Variants in ELOC observed in about 807,000 individuals in gnomAD.
ELOC encodes elongin-C.
For synonymous variants in ELOC, 40 were observed against 51.3 expected (o/e 0.78, Z 0.94); for missense variants, 38 against 139.0 (o/e 0.27, Z 3.65).
intron 3 of ELOC, among the ~76,000 whole-genome samples, chr8:73,951,263 G>C (rs564190258): frequency 1.9e-4 from 29 of 152,070 alleles, no homozygotes; most frequent in Non-Finnish European, 4.4e-5. Flanking sequence ...TAGAGCGAAA[G>C]ACTGGCAAAA....
At chr8:73,958,267 G>T (rs947170157) in intron 2 of ELOC, among the ~76,000 whole-genome samples, 13 of 151,804 alleles carry the variant, frequency 8.6e-5, no homozygotes, top group Non-Finnish European at 1.5e-4. Context: ...TTTGGTCTTT[G>T]TTTTTTAAAA....
intron 1 of ELOC, among the ~76,000 whole-genome samples, chr8:73,960,436 C>G (rs1325384394): frequency 6.6e-6 from 1 of 152,110 alleles, no homozygotes; most frequent in Non-Finnish European, 1.5e-5. Context: ...CATAATGGGC[C>G]TTTGGATAGT....
chr8:73,966,497 T>A (rs1403521388), intron 1 of ELOC, among the ~76,000 whole-genome samples: 4 of 151,930 alleles, frequency 2.6e-5, no homozygotes, highest in African/African-American at 9.7e-5. Context: ...TCTTTTTTTT[T>A]TTTTTTGAGA....
chr8:73,954,471 C>T (rs548486751), intron 3 of ELOC, among the ~76,000 whole-genome samples: 5 of 151,758 alleles, frequency 3.3e-5, no homozygotes, highest in Non-Finnish European at 2.9e-5. Context: ...CTGGCTAACA[C>T]GGTGAAACCC....
chr8:73,955,510 G>C, intron 3 of ELOC: 1 of 165,326 alleles, frequency 6.0e-6, no homozygotes. Context: ...GGAGGCTGAG[G>C]CAGGAGAATC....
At chr8:73,966,933 A>T (rs945128459) in intron 1 of ELOC, among the ~76,000 whole-genome samples, 1 of 152,180 alleles carries the variant, frequency 6.6e-6, no homozygotes, top group African/African-American at 2.4e-5. Context: ...TGTAGTGCTT[A>T]AAATCAGTCA....
chr8:73,966,622 C>T (rs1275175577), intron 1 of ELOC, among the ~76,000 whole-genome samples: 1 of 151,500 alleles, frequency 6.6e-6, no homozygotes, highest in East Asian at 1.9e-4. Flanking sequence ...TAGCCTGCTA[C>T]CAAGCCCGGC....
intron 3 of ELOC, among the ~76,000 whole-genome samples, chr8:73,950,214 A>G (rs1813656283): frequency 6.6e-6 from 1 of 152,246 alleles, no homozygotes; most frequent in Non-Finnish European, 1.5e-5. Flanking sequence ...AAAAGGACAC[A>G]GAAGCTAACA....
intron 2 of ELOC, among the ~76,000 whole-genome samples, chr8:73,956,699 T>G (rs1372527132): frequency 1.3e-5 from 2 of 152,202 alleles, no homozygotes; most frequent in African/African-American, 4.8e-5. Context: ...TTCTATCACC[T>G]GAAATACTCA....
chr8:73,953,224 T>G (rs1281325649), intron 3 of ELOC, among the ~76,000 whole-genome samples: 1 of 152,172 alleles, frequency 6.6e-6, no homozygotes, highest in African/African-American at 2.4e-5. Context: ...GAGAATCGTT[T>G]GAACCTGGGA....
At chr8:73,958,412 A>G (rs1559797) in intron 2 of ELOC, among the ~76,000 whole-genome samples, 46,977 of 152,082 alleles carry the variant, frequency 0.31, 7,502 homozygotes, top group Admixed American at 0.39. Flanking sequence ...TAAGAAGACT[A>G]GAATGGAGTT....
chr8:73,960,291 G>A (rs1328090054), intron 1 of ELOC, among the ~76,000 whole-genome samples: 1 of 152,166 alleles, frequency 6.6e-6, no homozygotes, highest in Admixed American at 6.5e-5. Context: ...TATGGGTCCT[G>A]TTGTATAATA....
intron 1 of ELOC, among the ~76,000 whole-genome samples, chr8:73,969,991 T>A (rs1815245320): frequency 6.6e-6 from 1 of 152,236 alleles, no homozygotes; most frequent in African/African-American, 2.4e-5. Flanking sequence ...CATTAACACA[T>A]AAATATGACC....
At chr8:73,958,136 C>T (rs1302144386) in intron 2 of ELOC, among the ~76,000 whole-genome samples, 2 of 147,788 alleles carry the variant, frequency 1.4e-5, no homozygotes, top group South Asian at 2.2e-4. Flanking sequence ...TGCTCTGTTA[C>T]CCAGGCTGGA....
In ELOC at chr8:73,971,032, CAAAA is replaced by C. The variant is rs67188912; in HGVS notation, c.-51+1041_-51+1044del. ...CTCAGGACAGAGCGAGACTCCGTCT[CAAAA>C]AAAAAAAAAAAAAAAGAAAAAGAAA... On this transcript the variant is annotated intron_variant, in intron 1 of 3. Coordinates refer to ENST00000520242, the MANE Select transcript of ELOC (RefSeq NM_005648.4). Among the ~76,000 whole-genome samples, 27 of 62,034 alleles carry C rather than the reference CAAAA, an allele frequency of 4.4e-4. 1 individual carries two copies. The highest frequency in any genetic ancestry group is 1.5e-4 in the Non-Finnish European group (5 of 33,140). The allele number at this position is 62,034 out of a possible 152,430, so 40.7% of individuals were successfully genotyped here. A position where few individuals can be genotyped will look rare whatever the true frequency, so the allele number is the denominator to read the frequency against.
Position 73,946,783 on chromosome 8 carries a change from A to G in ELOC, c.186T>C (p.Phe62=). Residue 62 remains phenylalanine (F), a synonymous_variant, in exon 4 of 4, where the codon TTT becomes TTC. Transcript: ENST00000520242. ...ATAGCACATGTGAAGGTATCTCTCT[A>G]AAATTGACCTCATTGGTTTCGTTCT... ...FAENETNEVN[F]REIPSHVLSK... The G allele has an allele frequency of 6.2e-7, 1 of 1,613,600 alleles. No homozygotes were observed. The highest frequency in any genetic ancestry group is 8.5e-7 in the Non-Finnish European group (1 of 1,179,732).
At chr8:73,947,498 A>G (rs1813457476) in intron 3 of ELOC, among the ~76,000 whole-genome samples, 1 of 152,202 alleles carries the variant, frequency 6.6e-6, no homozygotes, top group Non-Finnish European at 1.5e-5. Context: ...CAGCCCTAGC[A>G]AACTAATCAT....
chr8:73,971,446 T>C (rs1815395672), intron 1 of ELOC, among the ~76,000 whole-genome samples: 1 of 152,156 alleles, frequency 6.6e-6, no homozygotes, highest in African/African-American at 2.4e-5. Context: ...CTAAAAGCAA[T>C]GTGGAGTAGA....
chr8:73,947,720 G>A (rs913717426), intron 3 of ELOC, among the ~76,000 whole-genome samples: 1 of 151,890 alleles, frequency 6.6e-6, no homozygotes, highest in Non-Finnish European at 1.5e-5. Flanking sequence ...GACCACAGGT[G>A]AGCGCCACCA....
Sources: allele counts gnomAD v4.1 joint callset (sites outside exome capture counted in the v4.1 genomes callset), GRCh38; gene constraint gnomAD v4.1.1; transcripts MANE v1.5; gene names NCBI Gene and HGNC (gene_info 2026-07-23, HGNC 2026-07-21).